Variants in DOCK8 observed in about 807,000 individuals in gnomAD.
DOCK8 encodes dedicator of cytokinesis 8, also known as dedicator of cytokinesis protein 8.
Under a neutral mutation model 245.6 loss-of-function variants are expected in DOCK8, and 141 were observed. That is an observed-to-expected ratio of 0.57 (90% CI 0.50 to 0.66). The LOEUF is 0.66. Among genes scored for constraint, DOCK8 ranks in the 30% least tolerant of loss-of-function variants. DOCK8 has a pLI of 0.00. For missense variants in DOCK8, 2,965 were observed against 2,603.4 expected (o/e 1.14, Z -3.02); for synonymous variants, 1,168 against 970.2 (o/e 1.20, Z -3.79).
In DOCK8 at chr9:400,982, ACCT is replaced by A. The variant is rs1194582672; in HGVS notation, c.3234+1729_3234+1731del. 8.3e-5 allele frequency among the ~76,000 whole-genome samples: 10 copies of A among 121,196 alleles called. 1 individual carries two copies. Among genetic ancestry groups the A allele is most frequent in the East Asian group, 5.3e-4 (2 of 3,748 alleles). The allele number at this position is 121,196 out of a possible 152,430, so 79.5% of individuals were successfully genotyped here. On this transcript the variant is annotated intron_variant, in intron 26 of 47. Transcript: ENST00000432829. Reference sequence around the variant, plus strand: ...CACCACCACCTCCTCCACCATCACCACCTCCTCCACCACCACCACCATTAGCTC... The same window carrying A: ...CACCACCACCTCCTCCACCATCACCACCTCCACCACCACCACCATTAGCTC...
At chr9:301,416 T>A (rs1373733684) in intron 4 of DOCK8, among the ~76,000 whole-genome samples, 1 of 152,214 alleles carries the variant, frequency 6.6e-6, no homozygotes, top group Non-Finnish European at 1.5e-5. Context: ...GCTGGAAGCG[T>A]TCCTCTTGAG....
At position 317,881 on chromosome 9, in the gene DOCK8, C is replaced by G. The variant is rs1031376218; in HGVS notation, c.827+753C>G. Among the ~76,000 whole-genome samples, 34 of 152,074 alleles carry G rather than the reference C, an allele frequency of 2.2e-4. 1 individual carries two copies. Among genetic ancestry groups the G allele is most frequent in the African/African-American group, 8.2e-4 (34 of 41,406 alleles). On this transcript the variant is annotated intron_variant, in intron 7 of 47. Coordinates refer to ENST00000432829, the MANE Select transcript of DOCK8 (RefSeq NM_203447.4). Reference sequence around the variant, plus strand: ...TTATAAACACCATATAATTAAAACACGACTACAGTCTGGTTTCATCTTGTG... The same window carrying G: ...TTATAAACACCATATAATTAAAACAGGACTACAGTCTGGTTTCATCTTGTG...
At chr9:443,154 A>T (rs1373947759) in intron 42 of DOCK8, among the ~76,000 whole-genome samples, 3 of 152,198 alleles carry the variant, frequency 2.0e-5, no homozygotes, top group Non-Finnish European at 2.9e-5. Flanking sequence ...AAAGAGTGTG[A>T]TACCCCAGGA....
intron 33 of DOCK8, among the ~76,000 whole-genome samples, chr9:423,310 GTA>G (rs1183346098): frequency 2.0e-5 from 3 of 152,184 alleles, no homozygotes; most frequent in African/African-American, 7.2e-5. Flanking sequence ...AAAGCTAAAA[GTA>G]TATATGTTTG....
At chr9:265,590 C>A (rs895867456) in intron 1 of DOCK8, among the ~76,000 whole-genome samples, 2 of 152,192 alleles carry the variant, frequency 1.3e-5, no homozygotes, top group African/African-American at 4.8e-5. Context: ...AGACCCAAAC[C>A]TCTTTCAATA....
intron 1 of DOCK8, among the ~76,000 whole-genome samples, chr9:218,707 T>C (rs1384136310): frequency 5.3e-5 from 8 of 152,190 alleles, no homozygotes; most frequent in Non-Finnish European, 1.2e-4. Flanking sequence ...ATGTAAAATT[T>C]GATCAAATAT....
Position 271,667 on chromosome 9 carries a change from C to G in DOCK8, c.94C>G (p.Pro32Ala). The G allele has an allele frequency of 6.4e-7, 1 of 1,551,750 alleles. No homozygotes were observed. Among genetic ancestry groups the G allele is most frequent in the Non-Finnish European group, 8.7e-7 (1 of 1,146,824 alleles). Residue 32 changes from proline (P) to alanine (A), a missense_variant, in exon 2 of 48, where the codon CCA (proline) becomes GCA (alanine). Physicochemically the swap from Pro to Ala is conservative, Grantham distance 27. Around this residue, in one of 3 missense-constraint regions of DOCK8, gnomAD observed 2,825 missense variants for 2,453.5 expected, o/e 1.15. Coordinates refer to ENST00000432829, the MANE Select transcript of DOCK8 (RefSeq NM_203447.4). The stretch of plus-strand genomic sequence containing the variant: ...AATAAGGAAACAGTTTACTCTCCCA[C>G]CAAACCTTGGCCAGTACCATCGACA... ...AEIRKQFTLP[P>A]NLGQYHRQSI...
At chr9:419,034 C>T (rs893920914) in intron 30 of DOCK8, among the ~76,000 whole-genome samples, 6 of 152,200 alleles carry the variant, frequency 3.9e-5, no homozygotes, top group African/African-American at 7.2e-5. Flanking sequence ...AGGGGCTCCT[C>T]TGGGAATGTA....
intron 4 of DOCK8, among the ~76,000 whole-genome samples, chr9:302,663 C>A (rs562873): frequency 0.69 from 105,173 of 152,084 alleles, 36,881 homozygotes; most frequent in South Asian, 0.78. Flanking sequence ...TGCAAAAAAC[C>A]ACCCCATTTA....
chr9:446,363 C>T lies in DOCK8; in HGVS notation c.5581-7C>T, dbSNP rs1433859056. 8 of 1,612,092 alleles carry T rather than the reference C, an allele frequency of 5.0e-6. No homozygotes were observed. The highest frequency in any genetic ancestry group is 2.2e-5 in the East Asian group (1 of 44,894). On this transcript the variant is annotated splice_region_variant and splice_polypyrimidine_tract_variant and intron_variant, in intron 43 of 47. Transcript: ENST00000432829. ...CATCTTCTCCCTCCGTGCCTTTTCC[C>T]CCTTAGGCCTACATACAGATCACTT...
rs147884556 is a variant in DOCK8, at chr9:377,909, T to C, written c.2440+698T>C. 1.0e-3 allele frequency among the ~76,000 whole-genome samples: 158 copies of C among 152,336 alleles called. 1 individual carries two copies. The highest frequency in any genetic ancestry group is 3.7e-3 in the African/African-American group (153 of 41,574). On this transcript the variant is annotated intron_variant, in intron 20 of 47. Transcript: ENST00000432829. ...TCCTGGAGGCATGACCAGAGTCCAGTGGTTCTCCTAACTCTTCCAGGGTAG... is the reference window on the plus strand; with the variant it reads ...TCCTGGAGGCATGACCAGAGTCCAGCGGTTCTCCTAACTCTTCCAGGGTAG...
At chr9:257,663 G>A (rs1427504008) in intron 1 of DOCK8, among the ~76,000 whole-genome samples, 5 of 152,184 alleles carry the variant, frequency 3.3e-5, no homozygotes, top group Admixed American at 2.0e-4. Context: ...GGGATTACAG[G>A]CATGTGCCAC....
chr9:310,485 T>A (rs1450124738), intron 5 of DOCK8, among the ~76,000 whole-genome samples: 1 of 152,078 alleles, frequency 6.6e-6, no homozygotes, highest in Non-Finnish European at 1.5e-5. Context: ...TGAGACGGAG[T>A]CTCGCTCTTG....
intron 9 of DOCK8, among the ~76,000 whole-genome samples, chr9:330,114 G>A (rs1415653398): frequency 6.6e-6 from 1 of 152,028 alleles, no homozygotes; most frequent in Non-Finnish European, 1.5e-5. Flanking sequence ...CTGTATTTTA[G>A]GTAGCATCAT....
chr9:417,326 C>A (rs1034415260), intron 29 of DOCK8, among the ~76,000 whole-genome samples: 3 of 152,086 alleles, frequency 2.0e-5, no homozygotes, highest in Non-Finnish European at 4.4e-5. Flanking sequence ...GTTTTGTTTT[C>A]ACAACTTTAG....
chr9:406,934 C>G lies in DOCK8; in HGVS notation c.3395C>G (p.Ser1132Ter). 6.2e-7 allele frequency: 1 copy of G among 1,614,092 alleles called. No homozygotes were observed. Among genetic ancestry groups the G allele is most frequent in the East Asian group, 2.2e-5 (1 of 44,882 alleles). The stretch of plus-strand genomic sequence containing the variant: ...TGGCTCCTTACGTTTCTGTAGAACT[C>G]AAGCTCCTGCTCCAGCTTCCAGGAC... ...SPCPSISSQN[S>*]SSCSSFQDQK... The change falls in exon 28 of 48, where the codon TCA becomes TGA. Residue 1132 changes from serine to a stop codon, truncating the protein, a stop_gained. Transcript: ENST00000432829. LOFTEE classifies it high-confidence loss of function.
At chr9:344,155 A>G (rs1421631126) in intron 14 of DOCK8, among the ~76,000 whole-genome samples, 1 of 152,210 alleles carries the variant, frequency 6.6e-6, no homozygotes. Flanking sequence ...ACCCTGTTAG[A>G]AACCAGGTCT....
chr9:316,412 C>T (rs547580255), intron 6 of DOCK8, among the ~76,000 whole-genome samples: 44 of 152,202 alleles, frequency 2.9e-4, no homozygotes, highest in South Asian at 2.3e-3. Context: ...AGTTTCTGTG[C>T]GGTAAAATAA....
chr9:356,396 A>G (rs1454572209), intron 14 of DOCK8, among the ~76,000 whole-genome samples: 2 of 151,924 alleles, frequency 1.3e-5, no homozygotes, highest in Non-Finnish European at 2.9e-5. Flanking sequence ...CAGGCGTGGT[A>G]GCAGGCGCCT....
Sources: gnomAD v4.1 joint callset for allele counts (sites outside exome capture counted in the v4.1 genomes callset) on GRCh38, gnomAD v4.1.1 for gene constraint, gnomAD v4.1.1 regional missense constraint, MANE v1.5 for transcripts, NCBI Gene and HGNC (gene_info 2026-07-23, HGNC 2026-07-21) for gene names.